Variants in DNMT3A observed in about 807,000 individuals in gnomAD.
DNMT3A encodes the protein DNA methyltransferase 3 alpha.
In DNMT3A, 267 loss-of-function variants were observed where a neutral mutation model predicts 117.6. That is an observed-to-expected ratio of 2.27 (90% CI 2.05 to 2.51). The LOEUF (loss-of-function observed/expected upper bound fraction) is 2.51, where lower values mean the gene tolerates loss of function less well. DNMT3A is among the 30% of genes most tolerant of loss of function. The pLI, the probability that DNMT3A is intolerant of heterozygous loss-of-function variation, is 0.00. For missense variants in DNMT3A, 1,029 were observed against 1,260.2 expected (o/e 0.82, Z 2.78); for synonymous variants, 432 against 474.8 (o/e 0.91, Z 1.17).
chr2:25,288,631 C>T (rs886294754), intron 3 of DNMT3A, among the ~76,000 whole-genome samples: 1 of 152,098 alleles, frequency 6.6e-6, no homozygotes, highest in African/African-American at 2.4e-5. Flanking sequence ...TTTTAAACTT[C>T]TAAAAACCTG....
intron 1 of DNMT3A, among the ~76,000 whole-genome samples, chr2:25,338,725 G>C (rs1430832409): frequency 2.6e-5 from 4 of 152,210 alleles, no homozygotes; most frequent in Non-Finnish European, 5.9e-5. Flanking sequence ...AAGAGGTATA[G>C]CATGGGGCAT....
At position 25,306,500 on chromosome 2, in the gene DNMT3A, C is replaced by T. The variant is rs771704585; in HGVS notation, c.73-6257G>A. Among the ~76,000 whole-genome samples, 6 of 152,198 alleles carry T rather than the reference C, an allele frequency of 3.9e-5. No homozygotes were observed. The highest frequency in any genetic ancestry group is 3.3e-4 in the Admixed American group (5 of 15,282). On this transcript the variant is annotated intron_variant, in intron 2 of 22. Transcript: ENST00000321117. This position sits in a 1 kb window ranked among gnomAD's most constrained non-coding sequence, Gnocchi z 4.1. ...CCGTGTCTCATTGGCGCCTCTGAGT[C>T]CCCCACAGCTCCTGGGTACTTGCAC...
At chr2:25,280,321 C>T (rs1358290624) in intron 4 of DNMT3A, among the ~76,000 whole-genome samples, 1 of 126,944 alleles carries the variant, frequency 7.9e-6, no homozygotes, top group Non-Finnish European at 1.7e-5. Context: ...CGCCTCCCCG[C>T]CCCCCCACCC....
intron 6 of DNMT3A, among the ~76,000 whole-genome samples, chr2:25,258,208 G>T (rs547103754): frequency 6.6e-5 from 10 of 152,356 alleles, no homozygotes; most frequent in African/African-American, 2.4e-4. Flanking sequence ...TCCTCCTGAA[G>T]AAAAGCAAAA....
intron 1 of DNMT3A, among the ~76,000 whole-genome samples, chr2:25,330,352 C>T (rs865969767): frequency 2.0e-5 from 3 of 152,276 alleles, no homozygotes; most frequent in South Asian, 4.1e-4. Flanking sequence ...TGGACCGCAG[C>T]CCCCACCCCA....
chr2:25,240,524 G>A (rs1194472169), intron 18 of DNMT3A, 74 bp from the exon 19 acceptor site: 3 of 1,580,236 alleles, frequency 1.9e-6, no homozygotes, highest in Non-Finnish European at 1.7e-6. Flanking sequence ...GGCACGGGGA[G>A]GGCACGGGAA....
At position 25,236,067 on chromosome 2, in the gene DNMT3A, C is replaced by CT. The variant is rs1365266786; in HGVS notation, c.2479-243dup. On this transcript the variant is annotated intron_variant, in intron 21 of 22. Coordinates refer to ENST00000321117, the MANE Select transcript of DNMT3A (RefSeq NM_022552.5). The surrounding 1 kb of genome is among the most constrained non-coding windows in gnomAD (Gnocchi z 4.5). ...AATCTTAGATCCATCTAGCCACAGACTTTTTTTTTTTTTTTTGAGACGGAG... is the reference window on the plus strand; with the variant it reads ...AATCTTAGATCCATCTAGCCACAGACTTTTTTTTTTTTTTTTTGAGACGGAG... 7.6e-3 allele frequency among the ~76,000 whole-genome samples: 1,075 copies of CT among 142,160 alleles called. 13 individuals carry two copies. The highest frequency in any genetic ancestry group is 0.017 in the African/African-American group (650 of 39,056). The allele number at this position is 142,160 out of a possible 152,430, so 93.3% of individuals were successfully genotyped here. A position where few individuals can be genotyped will look rare whatever the true frequency, so the allele number is the denominator to read the frequency against.
In DNMT3A at chr2:25,300,707, AATATAATATAT is replaced by A. The variant is rs1486370533; in HGVS notation, c.73-475_73-465del. 1.7e-4 allele frequency among the ~76,000 whole-genome samples: 10 copies of A among 57,860 alleles called. 1 individual carries two copies. The highest frequency in any genetic ancestry group is 6.2e-4 in the African/African-American group (9 of 14,498). 38.0% of individuals were successfully genotyped at this position (57,860 alleles called of 152,430 possible). ...TAGATATATATTTATATATCTAAAT[AATATAATATAT>A]ATATATATATATATATATATATATA... On this transcript the variant is annotated intron_variant, in intron 2 of 22. Transcript: ENST00000321117.
chr2:25,273,507 C>T (rs895367971), intron 6 of DNMT3A, among the ~76,000 whole-genome samples: 1 of 152,174 alleles, frequency 6.6e-6, no homozygotes, highest in Non-Finnish European at 1.5e-5. Context: ...GCTGAGTTCA[C>T]GTGAAGTGCC....
At chr2:25,283,170 C>G (rs1002236637) in intron 3 of DNMT3A, among the ~76,000 whole-genome samples, 4 of 152,058 alleles carry the variant, frequency 2.6e-5, no homozygotes, top group African/African-American at 9.7e-5. Context: ...TAAGAGCAGC[C>G]TGGCCAACAT....
chr2:25,275,269 C>T (rs930722256), intron 5 of DNMT3A, among the ~76,000 whole-genome samples, 182 bp from the exon 6 acceptor site: 6 of 152,098 alleles, frequency 3.9e-5, no homozygotes, highest in African/African-American at 1.4e-4. Flanking sequence ...GGTGGGGGGG[C>T]ACATGGACAC....
intron 6 of DNMT3A, among the ~76,000 whole-genome samples, chr2:25,270,656 A>T (rs1184103948): frequency 6.6e-6 from 1 of 151,886 alleles, no homozygotes; most frequent in East Asian, 1.9e-4. Flanking sequence ...CAGTGGATCA[A>T]CACTGGCAGA....
rs1021537392 is a variant in DNMT3A at position 25,311,148 on chromosome 2, G to A, written c.72+2765C>T. ...GGGGGCGGGGGCGGGGAGGGGGGGC[G>A]GCGGTGGGCAGAGGCTAGAGGGCCA... is the stretch of plus-strand genomic sequence containing the variant. On this transcript the variant is annotated intron_variant, in intron 2 of 22. Transcript: ENST00000321117. This position sits in a 1 kb window ranked among gnomAD's most constrained non-coding sequence, Gnocchi z 5.2. Among the ~76,000 whole-genome samples the A allele has an allele frequency of 4.1e-5, 6 of 145,062 alleles. No homozygotes were observed. The highest frequency in any genetic ancestry group is 4.2e-4 in the East Asian group (2 of 4,736).
At chr2:25,295,590 A>G (rs1034326709) in intron 3 of DNMT3A, among the ~76,000 whole-genome samples, 2 of 152,166 alleles carry the variant, frequency 1.3e-5, no homozygotes, top group African/African-American at 2.4e-5. Flanking sequence ...CTGAATTCAC[A>G]TATTAACTGA....
intron 1 of DNMT3A, among the ~76,000 whole-genome samples, 170 bp downstream of exon 1, chr2:25,341,656 G>A (rs1414471456): frequency 6.9e-6 from 1 of 145,084 alleles, no homozygotes; most frequent in Non-Finnish European, 1.5e-5. Context: ...AGCCCGGCCC[G>A]CCGTCCCCGC....
intron 12 of DNMT3A, 62 bp downstream of exon 12, chr2:25,245,958 G>A (rs776383713): frequency 5.5e-5 from 88 of 1,607,068 alleles, no homozygotes; most frequent in Non-Finnish European, 6.5e-5. Flanking sequence ...CTTCCTAAGT[G>A]CCTCTGCTAC....
Position 25,252,847 on chromosome 2 carries a change from A to G in DNMT3A, c.640-4595T>C, listed in dbSNP as rs1675760361. 6.6e-6 allele frequency among the ~76,000 whole-genome samples: 1 copy of G among 151,680 alleles called. No individual in the cohort carries two copies. Among genetic ancestry groups the G allele is most frequent in the South Asian group, 2.1e-4 (1 of 4,816 alleles). On this transcript the variant is annotated intron_variant, in intron 6 of 22. Coordinates refer to ENST00000321117, the MANE Select transcript of DNMT3A (RefSeq NM_022552.5). This position sits in a 1 kb window ranked among gnomAD's most constrained non-coding sequence, Gnocchi z 5.5. ...AAACTCAGCACACAGACGGAGAGTG[A>G]CAGCAGGCGCGCGCAGGCATTGGGA... is the stretch of plus-strand genomic sequence containing the variant.
chr2:25,265,943 T>A (rs1195803444), intron 6 of DNMT3A, among the ~76,000 whole-genome samples: 2 of 152,232 alleles, frequency 1.3e-5, no homozygotes, highest in Non-Finnish European at 2.9e-5. Flanking sequence ...TTTCCCTGGT[T>A]CAGGCTTTGC....
In DNMT3A at chr2:25,286,445, C is replaced by T. The variant is rs560109185; in HGVS notation, c.178-3734G>A. Among the ~76,000 whole-genome samples, 254 of 152,368 alleles carry T rather than the reference C, an allele frequency of 1.7e-3. 5 individuals carry two copies. Among genetic ancestry groups the T allele is most frequent in the South Asian group, 2.1e-3 (10 of 4,830 alleles). On this transcript the variant is annotated intron_variant, in intron 3 of 22. Transcript: ENST00000321117. The surrounding 1 kb of genome is among the most constrained non-coding windows in gnomAD (Gnocchi z 4.3). The stretch of plus-strand genomic sequence containing the variant: ...GTTAGCTCACCCGCTGAAATCCCCA[C>T]TCCCGCATCTGGTCCACACCATCCT...
Sources: allele counts gnomAD v4.1 joint callset (sites outside exome capture counted in the v4.1 genomes callset), GRCh38; gene constraint gnomAD v4.1.1; non-coding constraint Gnocchi (gnomAD v3.1); transcripts MANE v1.5; gene names NCBI Gene and HGNC (gene_info 2026-07-23, HGNC 2026-07-21).